RIGI: variants seen among roughly 807,000 people sequenced by gnomAD.
RIGI encodes antiviral innate immune response receptor RIG-I.
the RIGI span, among the ~76,000 whole-genome samples, chr9:32,492,922 TTGTA>T: frequency 0.012 from 1,779 of 152,320 alleles, 36 homozygotes; most frequent in African/African-American, 0.04. Flanking sequence ...GTTGAGGAAT[TTGTA>T]TGACTTTTAC....
At chr9:32,478,673 C>A in the RIGI span, among the ~76,000 whole-genome samples, 1 of 152,074 alleles carries the variant, frequency 6.6e-6, no homozygotes, top group Non-Finnish European at 1.5e-5. Flanking sequence ...GATCCTCCCA[C>A]CTCAGCCTCC....
At chr9:32,462,323 G>T in the RIGI span, among the ~76,000 whole-genome samples, 1 of 150,900 alleles carries the variant, frequency 6.6e-6, no homozygotes, top group Non-Finnish European at 1.5e-5. Context: ...AATTGGTTAC[G>T]GATCATACAT....
chr9:32,499,653 G>T, the RIGI span, among the ~76,000 whole-genome samples: 1 of 151,974 alleles, frequency 6.6e-6, no homozygotes, highest in South Asian at 2.1e-4. Flanking sequence ...ACAGGGTTTT[G>T]CCAAGTTGTC....
the RIGI span, among the ~76,000 whole-genome samples, chr9:32,491,640 A>G: frequency 6.6e-6 from 1 of 151,606 alleles, no homozygotes; most frequent in Admixed American, 6.6e-5. Flanking sequence ...TATATTACTC[A>G]AAGTGTGGAA....
the RIGI span, among the ~76,000 whole-genome samples, chr9:32,485,819 G>A: frequency 1.7e-4 from 26 of 152,128 alleles, no homozygotes; most frequent in Middle Eastern, 3.4e-3. Flanking sequence ...GATTACAAGC[G>A]TGATCCACCG....
the RIGI span, chr9:32,487,333 C>G: frequency 1.2e-5 from 10 of 826,752 alleles, no homozygotes; most frequent in Non-Finnish European, 1.9e-5. Context: ...AAAAATGTGA[C>G]TGTTACTCAA....
chr9:32,457,608 C>T, the RIGI span, among the ~76,000 whole-genome samples: 1 of 151,788 alleles, frequency 6.6e-6, no homozygotes, highest in Non-Finnish European at 1.5e-5. Flanking sequence ...ATGCACCTGA[C>T]TCCCCTCTAC....
chr9:32,521,139 C>CAAAAAAAAAAAAAAAAAAAAAAAAAAAA, the RIGI span, among the ~76,000 whole-genome samples: 7 of 32,778 alleles, frequency 2.1e-4, 1 homozygote, highest in Admixed American at 4.5e-4. Context: ...GACACCATCT[C>CAAAAAAAAAAAAAAAAAAAAAAAAAAAA]AAAAAAAAAA....
chr9:32,474,899 A>C, the RIGI span, among the ~76,000 whole-genome samples: 2 of 152,098 alleles, frequency 1.3e-5, no homozygotes. Flanking sequence ...GGATTAGAAC[A>C]CTCAATATTG....
chr9:32,473,286 C>CTT, the RIGI span, among the ~76,000 whole-genome samples: 38,597 of 122,438 alleles, frequency 0.32, 7,323 homozygotes, highest in East Asian at 0.71. Flanking sequence ...ATCTCTAAGA[C>CTT]TTTTTTTTTT....
chr9:32,509,927 A>C, the RIGI span, among the ~76,000 whole-genome samples: 1 of 151,996 alleles, frequency 6.6e-6, no homozygotes, highest in East Asian at 1.9e-4. Flanking sequence ...CAGCACGAGA[A>C]CTTTGTGAAG....
the RIGI span, chr9:32,491,551 T>C: frequency 4.6e-6 from 3 of 655,264 alleles, no homozygotes; most frequent in African/African-American, 5.5e-5. Flanking sequence ...CCACTCCCCT[T>C]CACCTTTTAA....
chr9:32,457,097 G>A, the RIGI span: 3 of 1,590,202 alleles, frequency 1.9e-6, no homozygotes, highest in Admixed American at 1.7e-5. Flanking sequence ...CTCATTCCCT[G>A]TAGCTGAAGA....
the RIGI span, among the ~76,000 whole-genome samples, chr9:32,515,396 A>C: frequency 6.6e-6 from 1 of 151,970 alleles, no homozygotes; most frequent in Admixed American, 6.6e-5. Context: ...AAATATGAAA[A>C]TCCTACTAAT....
At chr9:32,512,929 GACAA>G in the RIGI span, among the ~76,000 whole-genome samples, 675 of 152,012 alleles carry the variant, frequency 4.4e-3, 1 homozygote, top group Non-Finnish European at 6.7e-3. Flanking sequence ...ACCAATAACA[GACAA>G]ACAGAGAGCC....
chr9:32,507,516 C>G, the RIGI span, among the ~76,000 whole-genome samples: 1 of 152,084 alleles, frequency 6.6e-6, no homozygotes, highest in African/African-American at 2.4e-5. Context: ...TGTACCAAAT[C>G]TTCACTGATA....
the RIGI span, among the ~76,000 whole-genome samples, chr9:32,519,670 A>G: frequency 6.6e-6 from 1 of 152,212 alleles, no homozygotes; most frequent in East Asian, 1.9e-4. Context: ...ATATGGGTAC[A>G]AAGTCTTAAT....
the RIGI span, among the ~76,000 whole-genome samples, chr9:32,484,444 C>A: frequency 6.6e-6 from 1 of 152,160 alleles, no homozygotes; most frequent in Admixed American, 6.5e-5. Flanking sequence ...AACCTTGTAC[C>A]TGCCAAGGCT....
chr9:32,487,266 C>A, the RIGI span, among the ~76,000 whole-genome samples: 1 of 152,174 alleles, frequency 6.6e-6, no homozygotes, highest in South Asian at 2.1e-4. Flanking sequence ...TTGCTCTCTA[C>A]AGGCCACTTC....
Sources: gnomAD v4.1 joint callset for allele counts (sites outside exome capture counted in the v4.1 genomes callset) on GRCh38, gnomAD v4.1.1 for gene constraint, MANE v1.5 for transcripts, NCBI Gene and HGNC (gene_info 2026-07-23, HGNC 2026-07-21) for gene names.